Variants in FGF14 observed in about 807,000 individuals in gnomAD.
The protein encoded by FGF14 is fibroblast growth factor homologous factor 4.
A neutral mutation model predicts 25.5 loss-of-function variants in FGF14; 5 were observed. The ratio of observed to expected loss-of-function variants is 0.20; its 90% CI spans 0.10 to 0.41. The LOEUF (loss-of-function observed/expected upper bound fraction) is 0.41. Among genes scored for constraint, FGF14 ranks in the 10% least tolerant of loss-of-function variants. The pLI is 1.00. For synonymous variants in FGF14, 138 were observed against 118.3 expected (o/e 1.17, Z -1.08); for missense variants, 222 against 320.1 (o/e 0.69, Z 2.34).
At chr13:102,135,604 C>G (rs2046378279) in intron 1 of FGF14, among the ~76,000 whole-genome samples, 1 of 152,154 alleles carries the variant, frequency 6.6e-6, no homozygotes, top group Admixed American at 6.5e-5. Context: ...ATTTGGAAAA[C>G]TGCCTGTAAA....
At chr13:102,066,933 T>G (rs2042928756) in intron 1 of FGF14, among the ~76,000 whole-genome samples, 1 of 152,222 alleles carries the variant, frequency 6.6e-6, no homozygotes, top group Non-Finnish European at 1.5e-5. Flanking sequence ...AGCTGCACAG[T>G]TCTCCGTGGC....
chr13:101,782,558 A>C (rs1308324630), intron 3 of FGF14, among the ~76,000 whole-genome samples: 1 of 152,022 alleles, frequency 6.6e-6, no homozygotes, highest in Non-Finnish European at 1.5e-5. Flanking sequence ...CCTCTGAAAG[A>C]CCTCAGTGTC....
At chr13:102,103,470 T>TTG (rs2044754921) in intron 1 of FGF14, among the ~76,000 whole-genome samples, 1 of 151,612 alleles carries the variant, frequency 6.6e-6, no homozygotes, top group South Asian at 2.1e-4. Flanking sequence ...GCCCCTGATT[T>TTG]TTTTTGTCTA....
chr13:102,383,213 T>G (rs12869689), intron 1 of FGF14, among the ~76,000 whole-genome samples: 20,970 of 136,074 alleles, frequency 0.15, 1,533 homozygotes, highest in Non-Finnish European at 0.17. Context: ...TTATTTTAGA[T>G]TTCTTACATA....
At chr13:102,235,792 G>A (rs2051301761) in intron 1 of FGF14, among the ~76,000 whole-genome samples, 1 of 152,170 alleles carries the variant, frequency 6.6e-6, no homozygotes, top group African/African-American at 2.4e-5. Context: ...TAGGTGCTGG[G>A]TAAAATGAGG....
chr13:102,048,998 T>TA (rs2047123131), intron 1 of FGF14, among the ~76,000 whole-genome samples: 1 of 152,084 alleles, frequency 6.6e-6, no homozygotes, highest in Non-Finnish European at 1.5e-5. Context: ...AGAAAAAAGT[T>TA]AGATTCCAAG....
intron 1 of FGF14, among the ~76,000 whole-genome samples, chr13:102,248,666 G>A (rs2052006807): frequency 6.6e-6 from 1 of 152,106 alleles, no homozygotes; most frequent in Non-Finnish European, 1.5e-5. Flanking sequence ...CCAGGAAATT[G>A]TGAGCCGTGT....
rs1177550763 is a variant in FGF14, at chr13:101,719,703, C to T, written c.*3128G>A. ...AACCCTCCCACACCAGATATGCATGCAGAAGGAATGGAGTATTATAGAGAC... is the reference window on the plus strand; with the variant it reads ...AACCCTCCCACACCAGATATGCATGTAGAAGGAATGGAGTATTATAGAGAC... On this transcript the variant is annotated 3_prime_UTR_variant, in exon 5 of 5. Coordinates refer to ENST00000376143, the MANE Select transcript of FGF14 (RefSeq NM_004115.4). The T allele has an allele frequency of 6.6e-6, 1 of 152,002 alleles. No individual in the cohort carries two copies. The highest frequency in any genetic ancestry group is 1.5e-5 in the Non-Finnish European group (1 of 67,998). The allele number at this position is 152,002 out of a possible 1,614,324, so 9.4% of individuals were successfully genotyped here.
At chr13:102,374,643 T>TC (rs1273984679) in intron 1 of FGF14, among the ~76,000 whole-genome samples, 1 of 95,444 alleles carries the variant, frequency 1.0e-5, no homozygotes. Flanking sequence ...TCTTACATAT[T>TC]TTATATATAT....
chr13:102,384,989 C>A (rs976572711), intron 1 of FGF14, among the ~76,000 whole-genome samples: 3 of 152,222 alleles, frequency 2.0e-5, no homozygotes, highest in Non-Finnish European at 2.9e-5. Context: ...AGAGTCATAG[C>A]AGTCCTTAGG....
intron 1 of FGF14, among the ~76,000 whole-genome samples, chr13:102,272,083 T>C (rs1537931): frequency 0.78 from 119,378 of 152,086 alleles, 47,622 homozygotes; most frequent in African/African-American, 0.93. Context: ...CCTGGCCGAA[T>C]TTTTTGATTC....
chr13:102,057,938 G>A (rs1280445912), intron 1 of FGF14, among the ~76,000 whole-genome samples: 4 of 152,130 alleles, frequency 2.6e-5, no homozygotes, highest in African/African-American at 9.7e-5. Flanking sequence ...GTTAATTTGT[G>A]GAAGCCTGTG....
intron 1 of FGF14, among the ~76,000 whole-genome samples, chr13:102,226,899 T>C (rs2050848567): frequency 6.6e-6 from 1 of 152,160 alleles, no homozygotes; most frequent in Non-Finnish European, 1.5e-5. Context: ...CTCTTCTTTC[T>C]GTATTTTCTA....
At chr13:102,298,897 G>A (rs2054876145) in intron 1 of FGF14, among the ~76,000 whole-genome samples, 1 of 152,146 alleles carries the variant, frequency 6.6e-6, no homozygotes, top group South Asian at 2.1e-4. Flanking sequence ...TAGGAGCGAA[G>A]ATGAGAACTG....
chr13:102,223,526 T>C (rs1160783413), intron 1 of FGF14, among the ~76,000 whole-genome samples: 1 of 152,172 alleles, frequency 6.6e-6, no homozygotes, highest in Non-Finnish European at 1.5e-5. Flanking sequence ...TATGATAGTT[T>C]TATTCTGCTT....
At chr13:101,926,122 T>G (rs1460243340) in intron 1 of FGF14, among the ~76,000 whole-genome samples, 1 of 152,172 alleles carries the variant, frequency 6.6e-6, no homozygotes, top group Non-Finnish European at 1.5e-5. Flanking sequence ...AACTGACGTA[T>G]TCACATACTC....
At chr13:101,824,149 CTTCTT>C (rs1219751192) in intron 3 of FGF14, among the ~76,000 whole-genome samples, 10 of 152,026 alleles carry the variant, frequency 6.6e-5, no homozygotes, top group African/African-American at 2.4e-4. Flanking sequence ...TATAGACTGA[CTTCTT>C]TTTTTTAACA....
At chr13:102,028,567 C>T (rs560326362) in intron 1 of FGF14, among the ~76,000 whole-genome samples, 42 of 152,128 alleles carry the variant, frequency 2.8e-4, no homozygotes, top group African/African-American at 9.6e-4. Flanking sequence ...CAAATGCTTA[C>T]TATTTATCAG....
intron 1 of FGF14, among the ~76,000 whole-genome samples, chr13:101,991,421 A>T (rs982831348): frequency 6.6e-6 from 1 of 152,122 alleles, no homozygotes; most frequent in Non-Finnish European, 1.5e-5. Context: ...AATACAGTGG[A>T]AAAATACCAA....
Sources: allele counts gnomAD v4.1 joint callset (sites outside exome capture counted in the v4.1 genomes callset), GRCh38; gene constraint gnomAD v4.1.1; transcripts MANE v1.5; gene names NCBI Gene and HGNC (gene_info 2026-07-23, HGNC 2026-07-21).